The following ZNF521 variants were observed in gnomAD, a reference collection of about 807,000 sequenced individuals.
The protein encoded by ZNF521 is zinc finger protein 521, also known as LYST-interacting protein 3.
A neutral mutation model predicts 105.5 loss-of-function variants in ZNF521; 14 were observed. The ratio of observed to expected loss-of-function variants is 0.13; its 90% confidence interval spans 0.09 to 0.21. The LOEUF is 0.21. Among genes scored for constraint, ZNF521 ranks in the 10% least tolerant of loss-of-function variants. ZNF521 has a pLI of 1.00. For synonymous variants in ZNF521, 635 were observed against 606.0 expected (o/e 1.05, Z -0.70); for missense variants, 1,233 against 1,629.7 (o/e 0.76, Z 4.19).
chr18:25,308,655 C>A (rs867931829), intron 3 of ZNF521, among the ~76,000 whole-genome samples: 30 of 144,670 alleles, frequency 2.1e-4, no homozygotes, highest in Non-Finnish European at 4.5e-4. Flanking sequence ...GACATCCCCC[C>A]CCCCCCACCC....
At chr18:25,274,931 C>T (rs1160213182) in intron 3 of ZNF521, among the ~76,000 whole-genome samples, 1 of 152,008 alleles carries the variant, frequency 6.6e-6, no homozygotes, top group African/African-American at 2.4e-5. Flanking sequence ...TCCTACTGTT[C>T]AACTAAGCAG....
intron 3 of ZNF521, among the ~76,000 whole-genome samples, chr18:25,245,415 T>C (rs1158679416): frequency 1.3e-5 from 2 of 152,188 alleles, no homozygotes; most frequent in African/African-American, 4.8e-5. Flanking sequence ...TGAACCTCCA[T>C]TGACACATCA....
chr18:25,311,779 C>T (rs1912322961), intron 3 of ZNF521, among the ~76,000 whole-genome samples: 1 of 152,158 alleles, frequency 6.6e-6, no homozygotes, highest in Non-Finnish European at 1.5e-5. Context: ...CCTGAAACCA[C>T]AGTTAGATCA....
chr18:25,313,620 A>T (rs974551341), intron 3 of ZNF521, among the ~76,000 whole-genome samples: 6 of 152,248 alleles, frequency 3.9e-5, no homozygotes, highest in Admixed American at 1.3e-4. Flanking sequence ...TTTGTGAAGT[A>T]TTTTTTTCAG....
In ZNF521 at chr18:25,116,101, T is replaced by C. The variant is rs4800623; in HGVS notation, c.3659-24020A>G. On this transcript the variant is annotated intron_variant, in intron 5 of 7. Transcript: ENST00000361524. ...AATGGGTGACTGAAGCGATCTGTTG[T>C]GATGGTATTCTCCTGTGGCACTGGA... Among the ~76,000 whole-genome samples, 6 of 151,928 alleles carry C rather than the reference T, an allele frequency of 3.9e-5. No homozygotes were observed. In the East Asian group the frequency reaches 1.2e-3, roughly 29 times the overall value.
Position 25,256,263 on chromosome 18 carries a change from G to A in ZNF521, c.221-28566C>T, listed in dbSNP as rs1376608328. Reference sequence around the variant, plus strand: ...TATTTGCCAGGGGCTGGGGAGAGACGGAGATGCGGAATTGTTTAATGAGTA... The same window carrying A: ...TATTTGCCAGGGGCTGGGGAGAGACAGAGATGCGGAATTGTTTAATGAGTA... On this transcript the variant is annotated intron_variant, in intron 3 of 7. Transcript: ENST00000361524. Among the ~76,000 whole-genome samples the A allele has an allele frequency of 8.6e-5, 13 of 151,916 alleles. 1 individual carries two copies. The highest frequency in any genetic ancestry group is 2.9e-4 in the African/African-American group (12 of 41,446).
At chr18:25,134,191 G>GC (rs1307298150) in intron 5 of ZNF521, among the ~76,000 whole-genome samples, 1 of 152,136 alleles carries the variant, frequency 6.6e-6, no homozygotes, top group Non-Finnish European at 1.5e-5. Context: ...CAGAGTGGCT[G>GC]CAAGTACAAG....
At chr18:25,149,011 A>T (rs1327818139) in intron 5 of ZNF521, among the ~76,000 whole-genome samples, 2 of 148,308 alleles carry the variant, frequency 1.3e-5, no homozygotes, top group Non-Finnish European at 3.0e-5. Context: ...TGTACCCATG[A>T]TGTCTTCCTA....
intron 3 of ZNF521, among the ~76,000 whole-genome samples, chr18:25,231,298 G>A (rs948558466): frequency 1.6e-4 from 24 of 152,292 alleles, no homozygotes; most frequent in African/African-American, 4.3e-4. Flanking sequence ...CTAAAAGGAC[G>A]AAACAACAGA....
intron 5 of ZNF521, among the ~76,000 whole-genome samples, chr18:25,108,203 A>C (rs2034111896): frequency 3.9e-5 from 6 of 152,230 alleles, no homozygotes. Context: ...ATCTCATCCA[A>C]TTGAATGAGA....
chr18:25,344,772 A>G (rs1339501356), intron 2 of ZNF521, among the ~76,000 whole-genome samples: 2 of 152,222 alleles, frequency 1.3e-5, no homozygotes, highest in African/African-American at 4.8e-5. Context: ...CAAATACTGC[A>G]AGTCTTAAAA....
chr18:25,342,434 T>TGTTTG (rs201886414), intron 2 of ZNF521, among the ~76,000 whole-genome samples: 5 of 148,026 alleles, frequency 3.4e-5, no homozygotes, highest in South Asian at 2.1e-4. Flanking sequence ...TTTGTTTGTT[T>TGTTTG]TTTTTGAGAC....
intron 2 of ZNF521, among the ~76,000 whole-genome samples, chr18:25,337,674 G>T (rs1475058291): frequency 2.0e-5 from 3 of 152,120 alleles, no homozygotes; most frequent in Non-Finnish European, 4.4e-5. Flanking sequence ...GTGTGAATTG[G>T]TCTTACTTCT....
At chr18:25,084,293 C>T (rs2033572972) in intron 7 of ZNF521, among the ~76,000 whole-genome samples, 1 of 150,610 alleles carries the variant, frequency 6.6e-6, no homozygotes, top group South Asian at 2.1e-4. Context: ...CAGCAAGCCA[C>T]TCAATGGTGA....
chr18:25,262,383 A>AT (rs34236349), intron 3 of ZNF521, among the ~76,000 whole-genome samples: 1 of 152,078 alleles, frequency 6.6e-6, no homozygotes, highest in Non-Finnish European at 1.5e-5. Flanking sequence ...TGCTTGAATG[A>AT]TTTTTTTCCG....
chr18:25,322,204 C>T lies in ZNF521; in HGVS notation c.41-17G>A. On this transcript the variant is annotated splice_polypyrimidine_tract_variant and intron_variant, in intron 2 of 7. Coordinates refer to ENST00000361524, the MANE Select transcript of ZNF521 (RefSeq NM_015461.3). ...AGTTGGGGTCTGAAAAATATCAACA[C>T]TGTAAGTATGGGGTTTAAAGACAGG... 1 of 1,612,638 alleles carries T rather than the reference C, an allele frequency of 6.2e-7. No homozygotes were observed. Among genetic ancestry groups the T allele is most frequent in the African/African-American group, 1.3e-5 (1 of 74,978 alleles).
At chr18:25,118,031 A>G (rs2030999766) in intron 5 of ZNF521, among the ~76,000 whole-genome samples, 2 of 152,096 alleles carry the variant, frequency 1.3e-5, no homozygotes, top group South Asian at 4.1e-4. Flanking sequence ...AAACAAAAAC[A>G]AACCCCAAAC....
chr18:25,214,699 T>G (rs1481354755), intron 4 of ZNF521, among the ~76,000 whole-genome samples: 1 of 152,212 alleles, frequency 6.6e-6, no homozygotes, highest in Non-Finnish European at 1.5e-5. Context: ...ATTTATAAAT[T>G]ACTTGTATTA....
At chr18:25,096,406 G>A (rs576157658) in intron 5 of ZNF521, among the ~76,000 whole-genome samples, 1 of 152,218 alleles carries the variant, frequency 6.6e-6, no homozygotes, top group Admixed American at 6.5e-5. Flanking sequence ...TTTTATAACA[G>A]GAGAAATATT....
Sources: allele counts gnomAD v4.1 joint callset (sites outside exome capture counted in the v4.1 genomes callset), GRCh38; gene constraint gnomAD v4.1.1; transcripts MANE v1.5; gene names NCBI Gene and HGNC (gene_info 2026-07-23, HGNC 2026-07-21).